SPATA17: variants seen among roughly 807,000 people sequenced by gnomAD.
SPATA17 encodes the protein spermatogenesis-associated protein 17.
Under a neutral mutation model 62.2 loss-of-function variants are expected in SPATA17, and 53 were observed. That is an observed-to-expected ratio of 0.85 (90% CI 0.68 to 1.07). SPATA17 has a LOEUF of 1.07. Ranked by LOEUF, SPATA17 falls within the 50% of genes least tolerant of loss-of-function variation. The pLI is 0.00. For synonymous variants in SPATA17, 146 were observed against 146.8 expected (o/e 0.99, Z 0.04); for missense variants, 466 against 425.5 (o/e 1.10, Z -0.84).
intron 9 of SPATA17, among the ~76,000 whole-genome samples, chr1:217,844,002 A>C (rs1348497703): frequency 6.6e-6 from 1 of 152,150 alleles, no homozygotes; most frequent in East Asian, 1.9e-4. Flanking sequence ...TATGTTAGTA[A>C]GTCTGATGGT....
At chr1:217,857,540 GA>G (rs2103014765) in intron 9 of SPATA17, among the ~76,000 whole-genome samples, 1 of 152,246 alleles carries the variant, frequency 6.6e-6, no homozygotes, top group Non-Finnish European at 1.5e-5. Flanking sequence ...TTATTTTTCA[GA>G]AAAGCAGTTC....
In SPATA17 at chr1:217,822,166, C is replaced by G. The variant is rs529214397; in HGVS notation, c.1005+20316C>G. 2.0e-5 allele frequency among the ~76,000 whole-genome samples: 3 copies of G among 152,160 alleles called. No individual in the cohort carries two copies. In the East Asian group the frequency reaches 5.8e-4, roughly 29 times the overall value. ...TTGATCCATCTTCCCAAATGTCTTG[C>G]AGAAAGATTAAACTAATTTGCATTT... On this transcript the variant is annotated intron_variant, in intron 9 of 10. Coordinates refer to ENST00000366933, the MANE Select transcript of SPATA17 (RefSeq NM_138796.4).
At chr1:217,776,178 T>G (rs2102973160) in intron 7 of SPATA17, among the ~76,000 whole-genome samples, 1 of 152,196 alleles carries the variant, frequency 6.6e-6, no homozygotes, top group East Asian at 1.9e-4. Flanking sequence ...GTACAACAGG[T>G]TTGGCAAATG....
intron 9 of SPATA17, among the ~76,000 whole-genome samples, chr1:217,862,113 C>A (rs544703241): frequency 2.3e-4 from 35 of 151,578 alleles, no homozygotes; most frequent in Admixed American, 2.2e-3. Context: ...TAACAATAGA[C>A]CTCCTTTCCA....
intron 6 of SPATA17, among the ~76,000 whole-genome samples, chr1:217,756,771 G>T (rs972739276): frequency 6.6e-6 from 1 of 152,108 alleles, no homozygotes; most frequent in African/African-American, 2.4e-5. Context: ...TGTCATGCCA[G>T]AAAAAGAACA....
At chr1:217,761,892 T>C (rs937481096) in intron 6 of SPATA17, among the ~76,000 whole-genome samples, 1 of 152,172 alleles carries the variant, frequency 6.6e-6, no homozygotes, top group African/African-American at 2.4e-5. Flanking sequence ...TTCATTGAAT[T>C]ACAGTATAAT....
At chr1:217,792,563 C>T (rs958674938) in intron 8 of SPATA17, among the ~76,000 whole-genome samples, 3 of 152,150 alleles carry the variant, frequency 2.0e-5, no homozygotes, top group African/African-American at 7.2e-5. Flanking sequence ...TTCAATATAA[C>T]CTTCCAGCTC....
At chr1:217,737,085 A>G (rs1203309077) in intron 5 of SPATA17, among the ~76,000 whole-genome samples, 1 of 152,210 alleles carries the variant, frequency 6.6e-6, no homozygotes, top group Non-Finnish European at 1.5e-5. Flanking sequence ...CAACATGAGT[A>G]TAGTATTGTG....
intron 6 of SPATA17, among the ~76,000 whole-genome samples, chr1:217,764,479 A>T (rs2102965451): frequency 6.6e-6 from 1 of 152,308 alleles, no homozygotes; most frequent in South Asian, 2.1e-4. Context: ...TTTATCCAAC[A>T]TCTTAGCTGC....
intron 7 of SPATA17, among the ~76,000 whole-genome samples, chr1:217,775,442 C>A (rs540731565): frequency 6.6e-6 from 1 of 152,138 alleles, no homozygotes; most frequent in Non-Finnish European, 1.5e-5. Context: ...CAGTGGTTCA[C>A]GCCTGTAATT....
At chr1:217,737,566 G>T (rs1672537501) in intron 5 of SPATA17, among the ~76,000 whole-genome samples, 1 of 152,138 alleles carries the variant, frequency 6.6e-6, no homozygotes, top group African/African-American at 2.4e-5. Flanking sequence ...CAAAGGCTCT[G>T]GGCCTATATA....
At chr1:217,837,594 C>T (rs1288180386) in intron 9 of SPATA17, among the ~76,000 whole-genome samples, 1 of 152,026 alleles carries the variant, frequency 6.6e-6, no homozygotes, top group African/African-American at 2.4e-5. Flanking sequence ...TTAACCATTA[C>T]AGCTTTGCTC....
At chr1:217,791,787 C>T (rs1673999909) in intron 8 of SPATA17, among the ~76,000 whole-genome samples, 1 of 152,152 alleles carries the variant, frequency 6.6e-6, no homozygotes, top group Non-Finnish European at 1.5e-5. Context: ...AGATAGCTTG[C>T]AGTTATCACT....
chr1:217,646,908 A>C (rs1670195213), intron 1 of SPATA17, among the ~76,000 whole-genome samples: 1 of 152,084 alleles, frequency 6.6e-6, no homozygotes, highest in Non-Finnish European at 1.5e-5. Flanking sequence ...AAACCCAAAC[A>C]AACCAACAAA....
intron 5 of SPATA17, among the ~76,000 whole-genome samples, chr1:217,736,330 C>T (rs533550510): frequency 6.6e-6 from 1 of 152,262 alleles, no homozygotes; most frequent in East Asian, 1.9e-4. Flanking sequence ...TTTGCTTATT[C>T]ATTCAAATAG....
intron 9 of SPATA17, among the ~76,000 whole-genome samples, chr1:217,840,972 C>T (rs1675381774): frequency 6.6e-6 from 1 of 151,784 alleles, no homozygotes; most frequent in African/African-American, 2.4e-5. Context: ...TAGACATGTA[C>T]ATATCGTGCA....
chr1:217,863,055 T>C (rs975777563), intron 10 of SPATA17, among the ~76,000 whole-genome samples, 199 bp downstream of exon 10: 4 of 151,820 alleles, frequency 2.6e-5, no homozygotes, highest in African/African-American at 7.2e-5. Flanking sequence ...TTTTCAGATC[T>C]CTTCTCCAAA....
chr1:217,858,675 C>T (rs570130493), intron 9 of SPATA17, among the ~76,000 whole-genome samples: 2 of 152,034 alleles, frequency 1.3e-5, no homozygotes, highest in African/African-American at 4.8e-5. Context: ...ATCCCTTGAG[C>T]CCAGGAGTTC....
At chr1:217,761,314 G>A (rs375416287) in intron 6 of SPATA17, among the ~76,000 whole-genome samples, 2 of 152,012 alleles carry the variant, frequency 1.3e-5, no homozygotes, top group Non-Finnish European at 2.9e-5. Flanking sequence ...TAGTTCTTTA[G>A]TTCCAAAGTT....
Sources: gnomAD v4.1 joint callset for allele counts (sites outside exome capture counted in the v4.1 genomes callset) on GRCh38, gnomAD v4.1.1 for gene constraint, MANE v1.5 for transcripts, NCBI Gene and HGNC (gene_info 2026-07-23, HGNC 2026-07-21) for gene names.